The following SRPK2 variants were observed in gnomAD, a reference collection of about 807,000 sequenced individuals.
The protein encoded by SRPK2 is SFRS protein kinase 2.
A neutral mutation model predicts 90.8 loss-of-function variants in SRPK2; 21 were observed. That is an observed-to-expected ratio of 0.23 (90% CI 0.16 to 0.33). The LOEUF (loss-of-function observed/expected upper bound fraction) is 0.33. Among genes scored for constraint, SRPK2 ranks in the 10% least tolerant of loss-of-function variants. The pLI, the probability that SRPK2 is intolerant of heterozygous loss-of-function variation, is 1.00. For missense variants in SRPK2, 620 were observed against 869.0 expected, an observed-to-expected ratio of 0.71 and a Z score of 3.60; for synonymous variants, 288 against 311.1, an observed-to-expected ratio of 0.93 and a Z score of 0.78.
rs150766963 is a variant in SRPK2 at position 105,322,379 on chromosome 7, G to A, written c.71+66269C>T. On this transcript the variant is annotated intron_variant, in intron 2 of 15. Transcript: ENST00000393651. ...CTGCAGTGCACCGAGATCGTGACAC[G>A]GCACTTCAGCCTGGGCGACAGAGTG... Among the ~76,000 whole-genome samples, 19 of 152,216 alleles carry A rather than the reference G, an allele frequency of 1.2e-4. No individual in the cohort carries two copies. In the East Asian group the frequency reaches 3.5e-3, roughly 28 times the overall value.
At chr7:105,312,312 C>T (rs1046636537) in intron 2 of SRPK2, among the ~76,000 whole-genome samples, 19 of 151,638 alleles carry the variant, frequency 1.3e-4, no homozygotes, top group African/African-American at 3.9e-4. Context: ...TGGTGGTGCA[C>T]GCCTGTAGTC....
intron 2 of SRPK2, among the ~76,000 whole-genome samples, chr7:105,313,840 T>C (rs951493832): frequency 1.3e-5 from 2 of 151,554 alleles, no homozygotes; most frequent in African/African-American, 4.9e-5. Flanking sequence ...TTTTCTTATT[T>C]AAAAAGAAAA....
At chr7:105,361,265 A>G (rs1818390627) in intron 2 of SRPK2, among the ~76,000 whole-genome samples, 1 of 152,198 alleles carries the variant, frequency 6.6e-6, no homozygotes, top group Admixed American at 6.5e-5. Context: ...TCCAACTTAC[A>G]AGGGATGTGA....
chr7:105,164,502 G>C (rs963932396), intron 6 of SRPK2, among the ~76,000 whole-genome samples: 7 of 152,140 alleles, frequency 4.6e-5, no homozygotes, highest in African/African-American at 1.7e-4. Context: ...AGTTAATAAT[G>C]TAAAAAAGAT....
intron 2 of SRPK2, among the ~76,000 whole-genome samples, chr7:105,214,863 A>T (rs1013560856): frequency 6.6e-6 from 1 of 152,216 alleles, no homozygotes; most frequent in African/African-American, 2.4e-5. Context: ...TCATATGGAA[A>T]TGCAAGGTCC....
intron 2 of SRPK2, among the ~76,000 whole-genome samples, chr7:105,235,356 AT>A (rs1799992777): frequency 1.3e-5 from 2 of 152,370 alleles, no homozygotes; most frequent in South Asian, 4.1e-4. Context: ...CAAATGCTTT[AT>A]CACATGCACC....
intron 2 of SRPK2, among the ~76,000 whole-genome samples, chr7:105,338,402 G>A (rs1220480617): frequency 2.0e-5 from 3 of 152,028 alleles, no homozygotes; most frequent in South Asian, 2.1e-4. Flanking sequence ...GCACCACCAC[G>A]GCTGACTGAT....
At chr7:105,279,410 A>G (rs1806970252) in intron 2 of SRPK2, among the ~76,000 whole-genome samples, 1 of 152,234 alleles carries the variant, frequency 6.6e-6, no homozygotes, top group South Asian at 2.1e-4. Context: ...TACTAGTTCA[A>G]AAGGAAAGGG....
chr7:105,353,418 C>T (rs1329953279), intron 2 of SRPK2, among the ~76,000 whole-genome samples: 1 of 152,100 alleles, frequency 6.6e-6, no homozygotes, highest in Non-Finnish European at 1.5e-5. Flanking sequence ...TGGCTCACTG[C>T]AGCCTTGACC....
At chr7:105,283,380 G>A (rs1807599185) in intron 2 of SRPK2, among the ~76,000 whole-genome samples, 1 of 152,146 alleles carries the variant, frequency 6.6e-6, no homozygotes, top group Non-Finnish European at 1.5e-5. Context: ...TAATCAAAAA[G>A]TGGGAACTCA....
At chr7:105,288,725 T>C (rs1037467210) in intron 2 of SRPK2, among the ~76,000 whole-genome samples, 1 of 152,040 alleles carries the variant, frequency 6.6e-6, no homozygotes, top group Admixed American at 6.6e-5. Flanking sequence ...AAACAGAGAA[T>C]CACATGATAA....
chr7:105,127,485 A>G (rs1326263927), intron 13 of SRPK2, among the ~76,000 whole-genome samples: 2 of 152,256 alleles, frequency 1.3e-5, no homozygotes, highest in African/African-American at 4.8e-5. Flanking sequence ...TGCGTCTTTT[A>G]GGCGAAGACC....
chr7:105,189,033 CGACACTTTCTAAACCCA>C (rs1793937741), intron 3 of SRPK2, among the ~76,000 whole-genome samples: 1 of 152,142 alleles, frequency 6.6e-6, no homozygotes, highest in South Asian at 2.1e-4. Flanking sequence ...TGTTAATTGT[CGACACTTTCTAAACCCA>C]GACTCCAGCC....
At chr7:105,203,482 T>C in intron 3 of SRPK2, 146 bp downstream of exon 3, 2 of 832,016 alleles carry the variant, frequency 2.4e-6, no homozygotes, top group South Asian at 7.2e-5. Context: ...CCTAAGAATT[T>C]AAAATGATAA....
chr7:105,397,764 C>T (rs1822372373), intron 1 of SRPK2, among the ~76,000 whole-genome samples: 1 of 152,150 alleles, frequency 6.6e-6, no homozygotes, highest in Non-Finnish European at 1.5e-5. Flanking sequence ...CTGCCTCAGC[C>T]TTCCGAGTAG....
chr7:105,181,632 C>T (rs969664524), intron 3 of SRPK2, among the ~76,000 whole-genome samples: 1 of 152,118 alleles, frequency 6.6e-6, no homozygotes, highest in Non-Finnish European at 1.5e-5. Context: ...AAACCAAATA[C>T]CTCATGTTCC....
rs543121144 is a variant in SRPK2 at position 105,205,517 on chromosome 7, TCACACACACACACACACACACACACA to T, written c.72-1758_72-1733del. ...TTCATTCTCTCTCTCTCTCTCTCTCTCACACACACACACACACACACACACACACACACACACACACACACACACAC... is the reference window on the plus strand; with the variant it reads ...TTCATTCTCTCTCTCTCTCTCTCTCTCACACACACACACACACACACACAC... On this transcript the variant is annotated intron_variant, in intron 2 of 15. Coordinates refer to ENST00000393651, the MANE Select transcript of SRPK2 (RefSeq NM_182692.3). Among the ~76,000 whole-genome samples, 357 of 95,890 alleles carry T rather than the reference TCACACACACACACACACACACACACA, an allele frequency of 3.7e-3. 2 individuals carry two copies. Among genetic ancestry groups the T allele is most frequent in the African/African-American group, 7.6e-3 (214 of 28,110 alleles). 62.9% of individuals were successfully genotyped at this position (95,890 alleles called of 152,430 possible).
chr7:105,360,592 T>C (rs1818315056), intron 2 of SRPK2, among the ~76,000 whole-genome samples: 1 of 152,172 alleles, frequency 6.6e-6, no homozygotes, highest in Non-Finnish European at 1.5e-5. Flanking sequence ...CAACATTTGC[T>C]TGTCAGTAAA....
chr7:105,346,676 C>T (rs1027507679), intron 2 of SRPK2, among the ~76,000 whole-genome samples: 5 of 151,870 alleles, frequency 3.3e-5, no homozygotes. Context: ...ACTGATTGAA[C>T]CCCAGCAGGC....
Sources: allele counts gnomAD v4.1 joint callset (sites outside exome capture counted in the v4.1 genomes callset), GRCh38; gene constraint gnomAD v4.1.1; transcripts MANE v1.5; gene names NCBI Gene and HGNC (gene_info 2026-07-23, HGNC 2026-07-21).